TM7SF3: variants seen among roughly 807,000 people sequenced by gnomAD.
The protein encoded by TM7SF3 is seven span transmembrane protein.
A neutral mutation model predicts 65.5 loss-of-function variants in TM7SF3; 60 were observed. That is an observed-to-expected ratio of 0.92 (90% CI 0.74 to 1.14). TM7SF3 has a LOEUF of 1.14. TM7SF3 is among the 50% of genes most tolerant of loss of function. The pLI is 0.00. For synonymous variants in TM7SF3, 264 were observed against 259.6 expected (o/e 1.02, Z -0.16); for missense variants, 623 against 684.8 (o/e 0.91, Z 1.01).
chr12:26,979,925 G>C lies in TM7SF3; in HGVS notation c.1048C>G (p.Leu350Val). 1.2e-6 allele frequency: 2 copies of C among 1,614,136 alleles called. No individual in the cohort carries two copies. Among genetic ancestry groups the C allele is most frequent in the Non-Finnish European group, 1.7e-6 (2 of 1,180,010 alleles). ...CCGACGCTTCCAGTGACAGCTGTCA[G>C]AATCAGATTCACTGTACAAAGAGAG... Reference protein sequence around the residue: ...TPIKYDVNLILTAVTGSVGGM... With the variant: ...TPIKYDVNLIVTAVTGSVGGM... The change falls in exon 9 of 12, where the codon CTG (leucine) becomes GTG (valine). Residue 350 changes from leucine (L) to valine (V), a missense_variant. Physicochemically the swap from Leu to Val is conservative, Grantham distance 32. Coordinates refer to ENST00000343028, the MANE Select transcript of TM7SF3 (RefSeq NM_016551.3).
At chr12:27,012,394 T>A (rs957596213) in intron 1 of TM7SF3, among the ~76,000 whole-genome samples, 8 of 152,206 alleles carry the variant, frequency 5.3e-5, no homozygotes, top group Non-Finnish European at 1.0e-4. Flanking sequence ...CCTTTTCAGC[T>A]TTGGCCTCAG....
rs755936265 is a variant in TM7SF3 at position 26,975,642 on chromosome 12, C to T, written c.1304G>A (p.Cys435Tyr). ...GCLRILNILT[C>Y]GVIGSYSVVL... Reference sequence around the variant, plus strand: ...CACCGAATAGGAGCCAATGACTCCACAAGTCAGTATGTTCAGCTGTGGAAG... The same window carrying T: ...CACCGAATAGGAGCCAATGACTCCATAAGTCAGTATGTTCAGCTGTGGAAG... The change falls in exon 11 of 12, where the codon TGT becomes TAT. Residue 435 changes from cysteine (C) to tyrosine (Y), a missense_variant. Cys to Tyr is a radical substitution (Grantham distance 194, BLOSUM62 -2). Transcript: ENST00000343028. 9 of 1,609,746 alleles carry T rather than the reference C, an allele frequency of 5.6e-6. No homozygotes were observed. In the South Asian group the frequency reaches 7.7e-5, roughly 14 times the overall value.
chr12:26,982,949 A>C (rs1164207798), intron 6 of TM7SF3, 90 bp from the exon 7 acceptor site: 1 of 892,738 alleles, frequency 1.1e-6, no homozygotes, highest in African/African-American at 1.7e-5. Flanking sequence ...AAAAAAGCTA[A>C]GTGAACTGAC....
intron 5 of TM7SF3, among the ~76,000 whole-genome samples, chr12:26,992,809 T>C (rs1940428563): frequency 6.6e-6 from 1 of 151,972 alleles, no homozygotes; most frequent in Non-Finnish European, 1.5e-5. Context: ...GGACCATCTG[T>C]ATAAGAATAT....
chr12:26,985,678 T>TATATATACAC (rs1452914983), intron 6 of TM7SF3, among the ~76,000 whole-genome samples: 1 of 108,518 alleles, frequency 9.2e-6, no homozygotes, highest in African/African-American at 3.9e-5. Context: ...TATATATATA[T>TATATATACAC]ACACACACAC....
At chr12:26,989,433 G>A (rs1213254318) in intron 6 of TM7SF3, among the ~76,000 whole-genome samples, 1 of 151,980 alleles carries the variant, frequency 6.6e-6, no homozygotes, top group African/African-American at 2.4e-5. Context: ...GTGAAACTAT[G>A]TCTCAGAAAA....
chr12:27,003,134 A>T (rs1446639154), intron 2 of TM7SF3, 102 bp downstream of exon 2: 5 of 823,562 alleles, frequency 6.1e-6, no homozygotes, highest in Non-Finnish European at 9.2e-6. Context: ...ATAAGATCAT[A>T]AACATAAAAG....
intron 6 of TM7SF3, among the ~76,000 whole-genome samples, chr12:26,987,955 A>G (rs540743933): frequency 6.6e-6 from 1 of 152,306 alleles, no homozygotes; most frequent in East Asian, 1.9e-4. Flanking sequence ...AAGCATAATC[A>G]AAATTTAATT....
Position 27,014,276 on chromosome 12 carries a change from C to T in TM7SF3, c.-108G>A, listed in dbSNP as rs1362315496. The T allele has an allele frequency of 3.1e-6, 3 of 956,852 alleles. No individual in the cohort carries two copies. Among genetic ancestry groups the T allele is most frequent in the Non-Finnish European group, 4.4e-6 (3 of 685,390 alleles). The allele number at this position is 956,852 out of a possible 1,614,324, so 59.3% of individuals were successfully genotyped here. On this transcript the variant is annotated 5_prime_UTR_variant, in exon 1 of 12. Coordinates refer to ENST00000343028, the MANE Select transcript of TM7SF3 (RefSeq NM_016551.3). ...GCTATCCCGGGGCGCCCGCATCGGGCGCCATCGCCCGCCAGGTGCAGACGC... is the reference window on the plus strand; with the variant it reads ...GCTATCCCGGGGCGCCCGCATCGGGTGCCATCGCCCGCCAGGTGCAGACGC...
chr12:26,976,477 T>A, intron 9 of TM7SF3, 120 bp from the exon 10 acceptor site: 1 of 655,254 alleles, frequency 1.5e-6, no homozygotes, highest in East Asian at 2.7e-5. Flanking sequence ...GGGAATATGT[T>A]GGCAACTAGA....
At chr12:27,006,358 C>A (rs755659112) in intron 1 of TM7SF3, among the ~76,000 whole-genome samples, 6 of 151,596 alleles carry the variant, frequency 4.0e-5, no homozygotes, top group Admixed American at 2.0e-4. Context: ...AGGCTGGTCT[C>A]AATCTCTTGA....
Position 27,003,930 on chromosome 12 carries a change from G to A in TM7SF3, c.92-540C>T, listed in dbSNP as rs1322348474. 3.3e-5 allele frequency among the ~76,000 whole-genome samples: 5 copies of A among 152,142 alleles called. No homozygotes were observed. In the East Asian group the frequency reaches 9.6e-4, roughly 29 times the overall value. On this transcript the variant is annotated intron_variant, in intron 1 of 11. Coordinates refer to ENST00000343028, the MANE Select transcript of TM7SF3 (RefSeq NM_016551.3). ...TCATCTGTCTAATGGAGACTGCAAA[G>A]GAAGGTGAAATCAATACTGACAAAA...
rs1592263706 is a variant in TM7SF3, at chr12:26,972,344, T to C, written c.*1621A>G. The C allele has an allele frequency of 6.6e-6, 1 of 152,180 alleles. No homozygotes were observed. Among genetic ancestry groups the C allele is most frequent in the East Asian group, 1.9e-4 (1 of 5,196 alleles). The allele number at this position is 152,180 out of a possible 1,614,324, so 9.4% of individuals were successfully genotyped here. A position where few individuals can be genotyped will look rare whatever the true frequency, so the allele number is the denominator to read the frequency against. On this transcript the variant is annotated 3_prime_UTR_variant, in exon 12 of 12. Transcript: ENST00000343028. ...TATTAAAAACTATATTTTACACTAA[T>C]GCTAACAGCTAATTGAGCAGAAAGA... is the stretch of plus-strand genomic sequence containing the variant.
In TM7SF3 at chr12:27,012,223, C is replaced by A. The variant is rs544473580; in HGVS notation, c.91+1855G>T. Among the ~76,000 whole-genome samples the A allele has an allele frequency of 1.2e-4, 18 of 152,314 alleles. 1 individual carries two copies. Among genetic ancestry groups the A allele is most frequent in the Non-Finnish European group, 2.4e-4 (16 of 68,022 alleles). ...GTTCAAGTCCTATCTGTAACCCTAG[C>A]AGCTGTTCATTTGTTCCTCTGACAA... On this transcript the variant is annotated intron_variant, in intron 1 of 11. Coordinates refer to ENST00000343028, the MANE Select transcript of TM7SF3 (RefSeq NM_016551.3).
At chr12:27,010,384 A>T (rs1941200712) in intron 1 of TM7SF3, among the ~76,000 whole-genome samples, 1 of 152,262 alleles carries the variant, frequency 6.6e-6, no homozygotes. Flanking sequence ...ATTCACAGAA[A>T]TTCCAGGCAC....
intron 8 of TM7SF3, 50 bp from the exon 9 acceptor site, chr12:26,979,986 C>T (rs1187211275): frequency 6.2e-7 from 1 of 1,609,312 alleles, no homozygotes; most frequent in Non-Finnish European, 8.5e-7. Context: ...GTACTTCCAA[C>T]CGCGTGCCTT....
chr12:27,001,612 T>G (rs921058049), intron 2 of TM7SF3, among the ~76,000 whole-genome samples: 1 of 152,198 alleles, frequency 6.6e-6, no homozygotes, highest in African/African-American at 2.4e-5. Context: ...ATATAAACCC[T>G]TATTTCACCC....
chr12:26,979,674 A>C, intron 9 of TM7SF3, 110 bp downstream of exon 9: 1 of 1,251,144 alleles, frequency 8.0e-7, no homozygotes, highest in Non-Finnish European at 1.1e-6. Flanking sequence ...GATTTCCAGA[A>C]CTCCACAGGA....
At chr12:27,012,297 C>G (rs151319540) in intron 1 of TM7SF3, among the ~76,000 whole-genome samples, 1 of 152,026 alleles carries the variant, frequency 6.6e-6, no homozygotes, top group South Asian at 2.1e-4. Context: ...AATAACACTG[C>G]ACGTGGAAAG....
Sources: gnomAD v4.1 joint callset for allele counts (sites outside exome capture counted in the v4.1 genomes callset) on GRCh38, gnomAD v4.1.1 for gene constraint, MANE v1.5 for transcripts, NCBI Gene and HGNC (gene_info 2026-07-23, HGNC 2026-07-21) for gene names.